Variants in HPSE2 observed in about 807,000 individuals in gnomAD.
HPSE2 encodes inactive heparanase-2.
In HPSE2, 38 loss-of-function variants were observed where a neutral mutation model predicts 60.5. That is an observed-to-expected ratio of 0.63 (90% CI 0.48 to 0.82). The LOEUF (loss-of-function observed/expected upper bound fraction) is 0.82, where lower values mean the gene tolerates loss of function less well. Among genes scored for constraint, HPSE2 ranks in the 40% least tolerant of loss-of-function variants. The pLI, the probability that HPSE2 is intolerant of heterozygous loss-of-function variation, is 0.00. For missense variants in HPSE2, 713 were observed against 740.4 expected (o/e 0.96, Z 0.43); for synonymous variants, 295 against 293.2 (o/e 1.01, Z -0.06).
At chr10:99,261,150 T>C in the HPSE2 span, among the ~76,000 whole-genome samples, 1 of 152,092 alleles carries the variant, frequency 6.6e-6, no homozygotes, top group East Asian at 1.9e-4. Context: ...TCATCCCACA[T>C]CTTTCTTCTT....
At chr10:98,729,055 A>G (rs1949162729) in intron 4 of HPSE2, among the ~76,000 whole-genome samples, 1 of 152,130 alleles carries the variant, frequency 6.6e-6, no homozygotes, top group African/African-American at 2.4e-5. Flanking sequence ...CAATGAAAAC[A>G]GTACCTTAGA....
At chr10:99,191,184 C>A (rs1237907686) in intron 2 of HPSE2, among the ~76,000 whole-genome samples, 1 of 152,044 alleles carries the variant, frequency 6.6e-6, no homozygotes, top group African/African-American at 2.4e-5. Flanking sequence ...CTGGACCTAC[C>A]TGGGGCTGGG....
chr10:99,106,990 C>CAGGAGTCCTAA (rs1844273538), intron 3 of HPSE2, among the ~76,000 whole-genome samples: 1 of 152,112 alleles, frequency 6.6e-6, no homozygotes, highest in African/African-American at 2.4e-5. Flanking sequence ...CCTGCCTCAG[C>CAGGAGTCCTAA]CTCCCCAGTA....
At chr10:98,791,526 A>G (rs1210551909) in intron 3 of HPSE2, among the ~76,000 whole-genome samples, 2 of 152,220 alleles carry the variant, frequency 1.3e-5, no homozygotes, top group African/African-American at 4.8e-5. Context: ...TTTTCCAAAT[A>G]AGGGTTTGTT....
chr10:98,602,829 T>C (rs1186244491), intron 9 of HPSE2, among the ~76,000 whole-genome samples: 1 of 152,102 alleles, frequency 6.6e-6, no homozygotes, highest in East Asian at 1.9e-4. Context: ...GACCTAAAGA[T>C]AGGAGAGCTA....
chr10:99,074,461 A>G (rs140767986), intron 3 of HPSE2, among the ~76,000 whole-genome samples: 1 of 152,106 alleles, frequency 6.6e-6, no homozygotes, highest in African/African-American at 2.4e-5. Flanking sequence ...GTTTGCTAGT[A>G]TTTTGTTAAG....
At chr10:99,171,984 C>T (rs1368906643) in intron 2 of HPSE2, among the ~76,000 whole-genome samples, 1 of 152,088 alleles carries the variant, frequency 6.6e-6, no homozygotes, top group Non-Finnish European at 1.5e-5. Context: ...GAAAACAAAA[C>T]AGAATTCTAA....
intron 3 of HPSE2, among the ~76,000 whole-genome samples, chr10:99,037,017 T>C (rs900467600): frequency 6.6e-6 from 1 of 152,178 alleles, no homozygotes; most frequent in African/African-American, 2.4e-5. Flanking sequence ...ACTGGTATTA[T>C]GTACCCTCTG....
At chr10:98,522,349 G>A (rs1942824170) in intron 9 of HPSE2, among the ~76,000 whole-genome samples, 2 of 151,938 alleles carry the variant, frequency 1.3e-5, no homozygotes, top group Non-Finnish European at 2.9e-5. Context: ...TCCACTATAA[G>A]AGAAACTAAT....
At chr10:98,708,155 A>G (rs1948592743) in intron 5 of HPSE2, among the ~76,000 whole-genome samples, 1 of 152,124 alleles carries the variant, frequency 6.6e-6, no homozygotes, top group Non-Finnish European at 1.5e-5. Flanking sequence ...GTTTAGTTTC[A>G]TTATATTTAA....
At chr10:98,833,296 C>T (rs1225547116) in intron 3 of HPSE2, among the ~76,000 whole-genome samples, 1 of 152,052 alleles carries the variant, frequency 6.6e-6, no homozygotes, top group Non-Finnish European at 1.5e-5. Flanking sequence ...CCTGACAATC[C>T]AAGGTGAATC....
chr10:98,940,321 T>C lies in HPSE2; in HGVS notation c.611-196265A>G, dbSNP rs1255639006. Reference sequence around the variant, plus strand: ...TGGTTTTTTGAAAGGATCAACAAAATTGACAGACTGCTAGCAAGACTAATA... The same window carrying C: ...TGGTTTTTTGAAAGGATCAACAAAACTGACAGACTGCTAGCAAGACTAATA... On this transcript the variant is annotated intron_variant, in intron 3 of 11. Transcript: ENST00000370552. 3.5e-5 allele frequency among the ~76,000 whole-genome samples: 5 copies of C among 142,894 alleles called. 1 individual carries two copies. The highest frequency in any genetic ancestry group is 1.4e-4 in the African/African-American group (5 of 34,918). 93.7% of individuals were successfully genotyped at this position (142,894 alleles called of 152,430 possible).
the HPSE2 span, among the ~76,000 whole-genome samples, chr10:99,269,818 GAAAGGAACCCTC>G: frequency 6.6e-6 from 1 of 152,072 alleles, no homozygotes; most frequent in Non-Finnish European, 1.5e-5. Context: ...AATCAACTCC[GAAAGGAACCCTC>G]AAAACCATGC....
At chr10:98,548,333 G>A (rs1943755194) in intron 9 of HPSE2, among the ~76,000 whole-genome samples, 1 of 152,178 alleles carries the variant, frequency 6.6e-6, no homozygotes, top group Non-Finnish European at 1.5e-5. Flanking sequence ...GTTCAGAGAT[G>A]AGACTGGGTG....
chr10:98,524,514 C>CAT (rs770101942), intron 9 of HPSE2, among the ~76,000 whole-genome samples: 2 of 152,210 alleles, frequency 1.3e-5, no homozygotes, highest in African/African-American at 2.4e-5. Flanking sequence ...AGAGCCTGAT[C>CAT]ATATCCTTTC....
chr10:98,512,446 G>A (rs941573529), intron 9 of HPSE2, among the ~76,000 whole-genome samples: 4 of 152,004 alleles, frequency 2.6e-5, no homozygotes, highest in African/African-American at 2.4e-5. Context: ...TTAGCCGGGC[G>A]TGGTAGCGGG....
chr10:98,640,919 A>G (rs747227404), intron 7 of HPSE2, among the ~76,000 whole-genome samples: 7 of 152,218 alleles, frequency 4.6e-5, no homozygotes, highest in Non-Finnish European at 1.0e-4. Flanking sequence ...GCCATATTAA[A>G]TCAGAACAAC....
intron 9 of HPSE2, among the ~76,000 whole-genome samples, chr10:98,523,391 G>C (rs1435414470): frequency 6.6e-6 from 1 of 152,168 alleles, no homozygotes; most frequent in Non-Finnish European, 1.5e-5. Context: ...TGATGAGAAA[G>C]TTTGAAAGAA....
At chr10:99,290,358 T>C in the HPSE2 span, among the ~76,000 whole-genome samples, 6 of 152,148 alleles carry the variant, frequency 3.9e-5, no homozygotes, top group Non-Finnish European at 4.4e-5. Context: ...CTTGTAAGAA[T>C]TGTAAAAGGA....
Sources: allele counts gnomAD v4.1 joint callset (sites outside exome capture counted in the v4.1 genomes callset), GRCh38; gene constraint gnomAD v4.1.1; transcripts MANE v1.5; gene names NCBI Gene and HGNC (gene_info 2026-07-23, HGNC 2026-07-21).